The following NFATC2 variants were observed in gnomAD, a reference collection of about 807,000 sequenced individuals.
NFATC2 encodes nuclear factor of activated T-cells, cytoplasmic 2.
NFATC2 carries 22 observed loss-of-function variants against 87.3 expected under a neutral mutation model. The ratio of observed to expected loss-of-function variants is 0.25; its 90% CI spans 0.18 to 0.36. NFATC2 has a LOEUF of 0.36. Among genes scored for constraint, NFATC2 ranks in the 10% least tolerant of loss-of-function variants. NFATC2 has a pLI of 1.00. For synonymous variants in NFATC2, 565 were observed against 542.2 expected (o/e 1.04, Z -0.58); for missense variants, 1,149 against 1,259.1 (o/e 0.91, Z 1.32).
upstream of NFATC2, among the ~76,000 whole-genome samples, chr20:51,543,057 C>T (rs1416974723): frequency 2.0e-5 from 3 of 152,164 alleles, no homozygotes; most frequent in Non-Finnish European, 2.9e-5. Flanking sequence ...TGCTTTTCTT[C>T]TCCATGGGGT....
chr20:51,494,797 T>G (rs181081006), intron 3 of NFATC2, among the ~76,000 whole-genome samples: 1 of 152,290 alleles, frequency 6.6e-6, no homozygotes, highest in East Asian at 1.9e-4. Flanking sequence ...CTCTGACTTC[T>G]TAAGGATTAT....
Position 51,551,809 on chromosome 20 carries a change from T to C in NFATC2, c.70+10751A>G, listed in dbSNP as rs182909708. On this transcript the variant is annotated intron_variant, in intron 1 of 10. Coordinates refer to the NFATC2 transcript ENST00000414705. ...TTGGGAGGCCAAGGTGGGCGGATCATGAGGTCAGGAGATCAAGACCATCCT... is the reference window on the plus strand; with the variant it reads ...TTGGGAGGCCAAGGTGGGCGGATCACGAGGTCAGGAGATCAAGACCATCCT... Among the ~76,000 whole-genome samples, 923 of 149,606 alleles carry C rather than the reference T, an allele frequency of 6.2e-3. 6 individuals are homozygous for C. Among genetic ancestry groups the C allele is most frequent in the African/African-American group, 0.018 (727 of 40,458 alleles).
chr20:51,427,983 T>A (rs1982104512), intron 9 of NFATC2, among the ~76,000 whole-genome samples: 1 of 152,132 alleles, frequency 6.6e-6, no homozygotes, highest in African/African-American at 2.4e-5. Context: ...ACTTAGTGGA[T>A]CCCTAAGTCC....
chr20:51,406,819 A>G (rs753075635), intron 9 of NFATC2, among the ~76,000 whole-genome samples: 1 of 152,034 alleles, frequency 6.6e-6, no homozygotes, highest in Non-Finnish European at 1.5e-5. Context: ...AATTCAGGTC[A>G]CCTCCAAGGG....
chr20:51,524,215 C>T lies in NFATC2; in HGVS notation c.131-105G>A. On this transcript the variant is annotated intron_variant, in intron 1 of 10. Coordinates refer to ENST00000371564, the MANE Select transcript of NFATC2 (RefSeq NM_012340.5). The surrounding 1 kb of genome is among the most constrained non-coding windows in gnomAD (Gnocchi z 4.0). ...TTCGTCTCACGTCGTTTATTTTTTT[C>T]AAATTCCCACCATGCCAAACCCCAA... 2.7e-6 allele frequency: 3 copies of T among 1,093,018 alleles called. No homozygotes were observed. The highest frequency in any genetic ancestry group is 3.6e-6 in the Non-Finnish European group (3 of 830,920). The allele number at this position is 1,093,018 out of a possible 1,614,324, so 67.7% of individuals were successfully genotyped here. A position where few individuals can be genotyped will look rare whatever the true frequency, so the allele number is the denominator to read the frequency against.
At position 51,391,097 on chromosome 20, in the gene NFATC2, T is replaced by G. The variant is rs1316487664; in HGVS notation, c.*399A>C. 1.9e-6 allele frequency: 1 copy of G among 516,772 alleles called. No homozygotes were observed. Among genetic ancestry groups the G allele is most frequent in the East Asian group, 4.0e-5 (1 of 24,874 alleles). The allele number at this position is 516,772 out of a possible 1,614,324, so 32.0% of individuals were successfully genotyped here. ...CACTCTGTTCTCAGGAGAGTTCCAGTGTCCTGTCTCATGTAGAATGTGCTT... is the reference window on the plus strand; with the variant it reads ...CACTCTGTTCTCAGGAGAGTTCCAGGGTCCTGTCTCATGTAGAATGTGCTT... On this transcript the variant is annotated 3_prime_UTR_variant, in exon 11 of 11. Coordinates refer to ENST00000371564, the MANE Select transcript of NFATC2 (RefSeq NM_012340.5).
chr20:51,392,346 T>C (rs1986456279), intron 10 of NFATC2, among the ~76,000 whole-genome samples: 1 of 152,174 alleles, frequency 6.6e-6, no homozygotes, highest in Non-Finnish European at 1.5e-5. Context: ...TGTGTGGAGT[T>C]CCTAGCAGGG....
chr20:51,443,377 T>A (rs1228066234), intron 6 of NFATC2, among the ~76,000 whole-genome samples: 1 of 152,156 alleles, frequency 6.6e-6, no homozygotes, highest in Admixed American at 6.5e-5. Context: ...ACTGGCTGAA[T>A]AAACAAACAA....
rs1375590546 is a variant in NFATC2 at position 51,387,498 on chromosome 20, A to C, written c.*3998T>G. 1 of 152,332 alleles carries C rather than the reference A, an allele frequency of 6.6e-6. No individual in the cohort carries two copies. Among genetic ancestry groups the C allele is most frequent in the East Asian group, 1.9e-4 (1 of 5,188 alleles). The allele number at this position is 152,332 out of a possible 1,614,324, so 9.4% of individuals were successfully genotyped here. On this transcript the variant is annotated 3_prime_UTR_variant, in exon 11 of 11. Coordinates refer to ENST00000371564, the MANE Select transcript of NFATC2 (RefSeq NM_012340.5). The stretch of plus-strand genomic sequence containing the variant: ...ACCAGAAAAGTTTGTTTTTAAACAG[A>C]CTGAGTTAAACAGTGATGTTGGCTG...
chr20:51,550,800 C>T (rs1249190628), intron 1 of NFATC2, among the ~76,000 whole-genome samples: 2 of 151,938 alleles, frequency 1.3e-5, no homozygotes, highest in African/African-American at 4.8e-5. Flanking sequence ...AATACTATAC[C>T]AAAAGAGAAA....
rs752260088 is a variant in NFATC2 at position 51,432,344 on chromosome 20, G to A, written c.2445C>T (p.Pro815=). 4.3e-6 allele frequency: 7 copies of A among 1,614,090 alleles called. No individual in the cohort carries two copies. The South Asian group carries it at 7.7e-5, about 18-fold the overall frequency. ...QQASPVIHYS[P]TNQQLRCGSH... ...TTCCGCAGCGCAGCTGCTGGTTGGT[G>A]GGTGAGTAGTGGATCACAGGCGAGG... is the stretch of plus-strand genomic sequence containing the variant. The change falls in exon 9 of 11, where the codon CCC becomes CCT. Residue 815 remains proline (P), a synonymous_variant. Transcript: ENST00000371564. The surrounding 1 kb of genome is among the most constrained non-coding windows in gnomAD (Gnocchi z 4.6).
At chr20:51,438,787 A>G (rs1382866545) in intron 6 of NFATC2, among the ~76,000 whole-genome samples, 1 of 152,216 alleles carries the variant, frequency 6.6e-6, no homozygotes, top group African/African-American at 2.4e-5. Context: ...GGTTCTTGAG[A>G]GTACCCTTAG....
intron 5 of NFATC2, among the ~76,000 whole-genome samples, chr20:51,470,346 A>T (rs986755066): frequency 2.0e-5 from 3 of 152,140 alleles, no homozygotes; most frequent in African/African-American, 7.2e-5. Flanking sequence ...GCCCTAGTGG[A>T]AACAGAAGAC....
intron 5 of NFATC2, among the ~76,000 whole-genome samples, chr20:51,464,760 G>A (rs190309668): frequency 3.9e-4 from 60 of 152,318 alleles, no homozygotes; most frequent in African/African-American, 1.3e-3. Flanking sequence ...GCCACCCTTT[G>A]GGTTTCTGGC....
chr20:51,448,625 C>G (rs1985385819), intron 6 of NFATC2, among the ~76,000 whole-genome samples: 1 of 152,098 alleles, frequency 6.6e-6, no homozygotes, highest in Non-Finnish European at 1.5e-5. Flanking sequence ...CCACTCCAGC[C>G]TGGGCGACAG....
chr20:51,456,648 T>A (rs1341678067), intron 5 of NFATC2, among the ~76,000 whole-genome samples: 1 of 152,058 alleles, frequency 6.6e-6, no homozygotes, highest in Non-Finnish European at 1.5e-5. Context: ...CTGGGGTGAG[T>A]CAGTCTGAGC....
chr20:51,550,685 A>G (rs913280494), intron 1 of NFATC2, among the ~76,000 whole-genome samples: 5 of 152,196 alleles, frequency 3.3e-5, no homozygotes, highest in African/African-American at 1.2e-4. Context: ...TACCTTAAAC[A>G]TGCTCAGAAC....
chr20:51,461,635 C>T (rs944667004), intron 5 of NFATC2, among the ~76,000 whole-genome samples: 1 of 152,218 alleles, frequency 6.6e-6, no homozygotes, highest in Non-Finnish European at 1.5e-5. Flanking sequence ...AAAGGTTCAG[C>T]GAAGAAAACT....
At chr20:51,561,568 T>TCCCCCCCCC (rs113481949) in intron 1 of NFATC2, among the ~76,000 whole-genome samples, 2 of 126,632 alleles carry the variant, frequency 1.6e-5, no homozygotes, top group African/African-American at 6.4e-5. Flanking sequence ...TGTCATTTCT[T>TCCCCCCCCC]CCCCCCCCCA....
Sources: allele counts gnomAD v4.1 joint callset (sites outside exome capture counted in the v4.1 genomes callset), GRCh38; gene constraint gnomAD v4.1.1; non-coding constraint Gnocchi (gnomAD v3.1); transcripts MANE v1.5; gene names NCBI Gene and HGNC (gene_info 2026-07-23, HGNC 2026-07-21).